PGBD2: variants seen among roughly 807,000 people sequenced by gnomAD.
PGBD2 encodes the protein piggyBac transposable element derived 2, also known as piggyBac transposable element-derived protein 2.
A neutral mutation model predicts 8.1 loss-of-function variants in PGBD2; 6 were observed. That is an observed-to-expected ratio of 0.74 (90% CI 0.40 to 1.46). The LOEUF (loss-of-function observed/expected upper bound fraction) is 1.46. Among genes scored for constraint, PGBD2 ranks in the 40% most tolerant of loss-of-function variants. The pLI is 0.02. For synonymous variants in PGBD2, 318 were observed against 272.2 expected (o/e 1.17, Z -1.66); for missense variants, 802 against 739.0 (o/e 1.09, Z -0.99).
the PGBD2 span, among the ~76,000 whole-genome samples, chr1:248,890,019 C>G: frequency 6.6e-6 from 1 of 151,758 alleles, no homozygotes; most frequent in Non-Finnish European, 1.5e-5. Flanking sequence ...CCTCCACCTC[C>G]CGGGTTCAAG....
the PGBD2 span, among the ~76,000 whole-genome samples, chr1:248,876,043 T>C: frequency 6.6e-6 from 1 of 151,736 alleles, no homozygotes; most frequent in Non-Finnish European, 1.5e-5. Flanking sequence ...AGTTTTACTC[T>C]TGTTGCCCAG....
chr1:248,927,331 A>G, the PGBD2 span, among the ~76,000 whole-genome samples: 5 of 152,120 alleles, frequency 3.3e-5, no homozygotes, highest in South Asian at 2.1e-4. Flanking sequence ...GAAGGAAAAT[A>G]AGGAGGAGGA....
chr1:248,879,374 T>C, the PGBD2 span, among the ~76,000 whole-genome samples: 2 of 152,204 alleles, frequency 1.3e-5, no homozygotes, highest in East Asian at 1.9e-4. Context: ...ATCTATTAAA[T>C]TGGTGGCCTT....
chr1:248,916,923 CA>C lies in PGBD2; in HGVS notation c.343del (p.Arg115GlufsTer20), dbSNP rs1248362178. On this transcript the variant is annotated frameshift_variant, in exon 3 of 3. Transcript: ENST00000329291. LOFTEE classifies it low-confidence loss of function (END_TRUNC). ...TTGTGAAACCTCAGCGCATTTGGACCAAAAGAGATATTCGTCCAGACTTTGG... is the reference window on the plus strand; with the variant it reads ...TTGTGAAACCTCAGCGCATTTGGACCAAAGAGATATTCGTCCAGACTTTGG... ...AVVKPQRIWTKRDIRPDFGSW... is the reference protein window; with the variant it reads ...AVVKPQRIWTXRDIRPDFGSW... 1 of 1,613,828 alleles carries C rather than the reference CA, an allele frequency of 6.2e-7. No homozygotes were observed. The highest frequency in any genetic ancestry group is 1.3e-5 in the African/African-American group (1 of 74,958).
At chr1:248,915,366 C>T (rs1168494497) in intron 2 of PGBD2, among the ~76,000 whole-genome samples, 1 of 152,236 alleles carries the variant, frequency 6.6e-6, no homozygotes, top group African/African-American at 2.4e-5. Flanking sequence ...AGTACCCATA[C>T]TGTCACTCTG....
At chr1:248,920,620 T>G (rs973134278), downstream of PGBD2, among the ~76,000 whole-genome samples, 1 of 152,180 alleles carries the variant, frequency 6.6e-6, no homozygotes, top group African/African-American at 2.4e-5. Flanking sequence ...GCATGTGTCT[T>G]TGTAGTAGAA....
chr1:248,929,929 G>A, the PGBD2 span, among the ~76,000 whole-genome samples: 1 of 152,156 alleles, frequency 6.6e-6, no homozygotes, highest in African/African-American at 2.4e-5. Flanking sequence ...ATTAGGCTTT[G>A]GAGCACCTGG....
chr1:248,915,842 G>C (rs1393334622), intron 2 of PGBD2, among the ~76,000 whole-genome samples: 36 of 152,168 alleles, frequency 2.4e-4, no homozygotes, highest in Non-Finnish European at 2.9e-5. Context: ...GGGAATGAGG[G>C]AAACTTCTAT....
the PGBD2 span, among the ~76,000 whole-genome samples, chr1:248,927,209 A>T: frequency 1.3e-5 from 2 of 152,220 alleles, no homozygotes; most frequent in Non-Finnish European, 2.9e-5. Flanking sequence ...GAGATTTGTC[A>T]TGAGAGATGG....
At chr1:248,922,682 GTT>G (rs1239333822), downstream of PGBD2, among the ~76,000 whole-genome samples, 1 of 152,124 alleles carries the variant, frequency 6.6e-6, no homozygotes, top group African/African-American at 2.4e-5. Context: ...GTTGAATTTT[GTT>G]GAAGGCCTTT....
the PGBD2 span, among the ~76,000 whole-genome samples, chr1:248,929,046 C>A: frequency 6.6e-6 from 1 of 152,134 alleles, no homozygotes; most frequent in Non-Finnish European, 1.5e-5. Context: ...AGTGTTTATT[C>A]ATTAAATTTT....
chr1:248,905,218 A>G (rs778998311), upstream of PGBD2, among the ~76,000 whole-genome samples: 10 of 152,174 alleles, frequency 6.6e-5, no homozygotes, highest in Non-Finnish European at 1.5e-4. Flanking sequence ...GTTTTGGAAC[A>G]CACTTTACAG....
the PGBD2 span, among the ~76,000 whole-genome samples, chr1:248,900,113 A>C: frequency 1.3e-5 from 2 of 151,684 alleles, no homozygotes; most frequent in African/African-American, 4.8e-5. Flanking sequence ...AAAAAAAAAA[A>C]AAAGCCCAGG....
the PGBD2 span, among the ~76,000 whole-genome samples, chr1:248,929,540 CG>C: frequency 1.3e-5 from 2 of 152,160 alleles, no homozygotes; most frequent in Non-Finnish European, 2.9e-5. Context: ...TTAAACCCTC[CG>C]AGTCAGGAGC....
At chr1:248,905,178 T>C (rs1661599301), upstream of PGBD2, among the ~76,000 whole-genome samples, 1 of 152,222 alleles carries the variant, frequency 6.6e-6, no homozygotes, top group Admixed American at 6.5e-5. Flanking sequence ...ATCTCACAAA[T>C]GAGCATGATT....
chr1:248,908,684 A>ATTT (rs35383461), intron 1 of PGBD2, among the ~76,000 whole-genome samples: 5 of 146,158 alleles, frequency 3.4e-5, no homozygotes, highest in African/African-American at 7.6e-5. Context: ...CTCTTCCTGT[A>ATTT]TTTTTTTTTT....
intron 1 of PGBD2, among the ~76,000 whole-genome samples, chr1:248,907,520 G>A (rs1349535877): frequency 6.6e-6 from 1 of 152,016 alleles, no homozygotes; most frequent in African/African-American, 2.4e-5. Flanking sequence ...CTCTTCCCAC[G>A]AGGCTGTATT....
At chr1:248,880,133 A>ATTTTTC in the PGBD2 span, among the ~76,000 whole-genome samples, 1 of 152,032 alleles carries the variant, frequency 6.6e-6, no homozygotes, top group African/African-American at 2.4e-5. Context: ...ATTGTCACAG[A>ATTTTTC]TTTTTCTTGT....
downstream of PGBD2, among the ~76,000 whole-genome samples, chr1:248,922,715 CAT>C (rs1403561130): frequency 6.6e-6 from 1 of 152,146 alleles, no homozygotes; most frequent in African/African-American, 2.4e-5. Flanking sequence ...TAGAGATAAT[CAT>C]GTGGTTTTTG....
Sources: allele counts gnomAD v4.1 joint callset (sites outside exome capture counted in the v4.1 genomes callset), GRCh38; gene constraint gnomAD v4.1.1; transcripts MANE v1.5; gene names NCBI Gene and HGNC (gene_info 2026-07-23, HGNC 2026-07-21).